The following SLX4IP variants were observed in gnomAD, a reference collection of about 807,000 sequenced individuals.
SLX4IP encodes the protein protein SLX4IP.
Under a neutral mutation model 32.9 loss-of-function variants are expected in SLX4IP, and 34 were observed. That is an observed-to-expected ratio of 1.03 (90% confidence interval 0.79 to 1.38). SLX4IP has a LOEUF of 1.38. SLX4IP is among the 40% of genes most tolerant of loss of function. SLX4IP has a pLI of 0.00. For missense variants in SLX4IP, 444 were observed against 479.0 expected (o/e 0.93, Z 0.68); for synonymous variants, 172 against 171.7 (o/e 1.00, Z -0.01).
chr20:10,559,201 A>G (rs528998542), intron 3 of SLX4IP, among the ~76,000 whole-genome samples: 82 of 152,116 alleles, frequency 5.4e-4, no homozygotes, highest in African/African-American at 1.9e-3. Flanking sequence ...CTCAACTGTA[A>G]AGGGATATCT....
rs1036668046 is a variant in SLX4IP, at chr20:10,623,956, G to A, written c.*577G>A. On this transcript the variant is annotated 3_prime_UTR_variant, in exon 8 of 8. Transcript: ENST00000334534. Reference sequence around the variant, plus strand: ...CTTTGGGTGATTCTGAAACATGCTCGCGTTTGAGAACCACTGGACTAATAG... The same window carrying A: ...CTTTGGGTGATTCTGAAACATGCTCACGTTTGAGAACCACTGGACTAATAG... 6.5e-6 allele frequency: 1 copy of A among 153,084 alleles called. No individual in the cohort carries two copies. Among genetic ancestry groups the A allele is most frequent in the Non-Finnish European group, 1.5e-5 (1 of 68,718 alleles). 9.5% of individuals were successfully genotyped at this position (153,084 alleles called of 1,614,324 possible).
intron 4 of SLX4IP, among the ~76,000 whole-genome samples, chr20:10,570,996 T>A (rs1475641769): frequency 2.0e-5 from 3 of 152,008 alleles, no homozygotes; most frequent in African/African-American, 7.2e-5. Flanking sequence ...TATCTGGCTA[T>A]TTTTTTAAAA....
At chr20:10,576,679 G>T (rs1484626647) in intron 4 of SLX4IP, among the ~76,000 whole-genome samples, 1 of 152,116 alleles carries the variant, frequency 6.6e-6, no homozygotes, top group Admixed American at 6.6e-5. Flanking sequence ...TCAATTCTGG[G>T]TCATAGATTA....
chr20:10,539,016 T>C (rs557280758), intron 2 of SLX4IP, among the ~76,000 whole-genome samples: 394 of 152,362 alleles, frequency 2.6e-3, no homozygotes, highest in African/African-American at 8.6e-3. Flanking sequence ...AAAAATAATT[T>C]AGTGTCTTTT....
Position 10,556,327 on chromosome 20 carries a change from C to A in SLX4IP, c.117+7C>A. On this transcript the variant is annotated splice_region_variant and intron_variant, in intron 3 of 7. Coordinates refer to ENST00000334534, the MANE Select transcript of SLX4IP (RefSeq NM_001009608.3). ...TTCTGAACAGAAGAAAGAGGTACAA[C>A]AAAACTTTCTACTATTTAATTGCAA... 1 of 1,611,152 alleles carries A rather than the reference C, an allele frequency of 6.2e-7. No homozygotes were observed. The highest frequency in any genetic ancestry group is 1.3e-5 in the African/African-American group (1 of 74,908).
At chr20:10,552,593 C>T (rs773232062) in intron 2 of SLX4IP, among the ~76,000 whole-genome samples, 7 of 152,022 alleles carry the variant, frequency 4.6e-5, no homozygotes, top group Non-Finnish European at 8.8e-5. Context: ...TGGAGGCTTC[C>T]AGAAACCCCA....
At chr20:10,576,240 G>T (rs540925833) in intron 4 of SLX4IP, among the ~76,000 whole-genome samples, 1 of 152,232 alleles carries the variant, frequency 6.6e-6, no homozygotes, top group South Asian at 2.1e-4. Context: ...CTGGGCAGGG[G>T]AATTGACTCC....
chr20:10,600,051 T>A (rs550247640), intron 5 of SLX4IP, among the ~76,000 whole-genome samples: 3 of 151,106 alleles, frequency 2.0e-5, no homozygotes, highest in African/African-American at 7.3e-5. Flanking sequence ...ATGATTTTTT[T>A]AGGGGGGGGA....
At chr20:10,506,652 CAA>C (rs2065762365) in intron 2 of SLX4IP, among the ~76,000 whole-genome samples, 1 of 152,122 alleles carries the variant, frequency 6.6e-6, no homozygotes, top group Non-Finnish European at 1.5e-5. Flanking sequence ...TGTCAGTGAA[CAA>C]AACAAATGCA....
intron 5 of SLX4IP, among the ~76,000 whole-genome samples, chr20:10,599,181 C>T (rs2066811469): frequency 6.6e-6 from 1 of 152,102 alleles, no homozygotes; most frequent in Non-Finnish European, 1.5e-5. Context: ...TCTAGATGTC[C>T]ACTAAGGATA....
intron 1 of SLX4IP, among the ~76,000 whole-genome samples, chr20:10,440,809 C>A (rs1335381050): frequency 6.6e-6 from 1 of 152,050 alleles, no homozygotes; most frequent in African/African-American, 2.4e-5. Flanking sequence ...TATCAGAGTT[C>A]TTGGGTTACA....
chr20:10,623,415 T>A lies in SLX4IP; in HGVS notation c.*36T>A. 1 of 1,563,632 alleles carries A rather than the reference T, an allele frequency of 6.4e-7. No homozygotes were observed. Among genetic ancestry groups the A allele is most frequent in the Non-Finnish European group, 8.6e-7 (1 of 1,158,116 alleles). On this transcript the variant is annotated 3_prime_UTR_variant, in exon 8 of 8. Coordinates refer to ENST00000334534, the MANE Select transcript of SLX4IP (RefSeq NM_001009608.3). ...GTTTGTACCGTTGGAGTTGAGGACA[T>A]AGTGGCCAAACCTGTGACAAGAGAG...
rs370849281 is a variant in SLX4IP at position 10,606,597 on chromosome 20, A to C, written c.405+4778A>C. ...TGTTTTCATATTTCACATTTTCCAC[A>C]ATGTTATGAACTTAGATTTTACCTA... is the stretch of plus-strand genomic sequence containing the variant. On this transcript the variant is annotated intron_variant, in intron 6 of 7. Transcript: ENST00000334534. 2.6e-5 allele frequency among the ~76,000 whole-genome samples: 4 copies of C among 152,350 alleles called. No homozygotes were observed. The South Asian group carries it at 8.3e-4, about 32-fold the overall frequency.
intron 2 of SLX4IP, among the ~76,000 whole-genome samples, chr20:10,488,498 A>T (rs931783237): frequency 1.3e-5 from 2 of 152,168 alleles, no homozygotes; most frequent in Non-Finnish European, 2.9e-5. Context: ...TCTTGGTTTA[A>T]GCCAAGAGAA....
intron 2 of SLX4IP, among the ~76,000 whole-genome samples, chr20:10,545,652 G>A (rs915062050): frequency 6.6e-6 from 1 of 152,090 alleles, no homozygotes; most frequent in Non-Finnish European, 1.5e-5. Context: ...TTACCACTGT[G>A]GGGGGGATTC....
chr20:10,525,881 C>T (rs566742224), intron 2 of SLX4IP, among the ~76,000 whole-genome samples: 18 of 152,124 alleles, frequency 1.2e-4, no homozygotes, highest in Non-Finnish European at 2.4e-4. Context: ...ATTCCTTTTT[C>T]GGTGGAACAC....
chr20:10,450,741 G>A (rs2065234222), intron 1 of SLX4IP, among the ~76,000 whole-genome samples: 1 of 152,058 alleles, frequency 6.6e-6, no homozygotes, highest in Non-Finnish European at 1.5e-5. Context: ...AATACTCATC[G>A]AAGGCCTAGT....
intron 6 of SLX4IP, among the ~76,000 whole-genome samples, chr20:10,611,101 G>A (rs1385303088): frequency 6.6e-6 from 1 of 152,064 alleles, no homozygotes; most frequent in Non-Finnish European, 1.5e-5. Flanking sequence ...CGTTCTTTTT[G>A]CCTCATTACA....
chr20:10,597,930 A>G (rs79877771), intron 4 of SLX4IP, among the ~76,000 whole-genome samples: 2 of 152,284 alleles, frequency 1.3e-5, no homozygotes, highest in Non-Finnish European at 2.9e-5. Flanking sequence ...TATTTCTTTT[A>G]ATCTCATTCT....
Sources: gnomAD v4.1 joint callset for allele counts (sites outside exome capture counted in the v4.1 genomes callset) on GRCh38, gnomAD v4.1.1 for gene constraint, MANE v1.5 for transcripts, NCBI Gene and HGNC (gene_info 2026-07-23, HGNC 2026-07-21) for gene names.